Variants in ASCC3 observed in about 807,000 individuals in gnomAD.
The protein encoded by ASCC3 is activating signal cointegrator 1 complex subunit 3, also known as ASC-1 complex subunit P200.
ASCC3 carries 158 observed loss-of-function variants against 256.3 expected under a neutral mutation model. The observed-to-expected ratio is 0.62, with a 90% CI of 0.54 to 0.70. ASCC3 has a LOEUF of 0.70. Among genes scored for constraint, ASCC3 ranks in the 30% least tolerant of loss-of-function variants. The probability of loss-of-function intolerance (pLI) is 0.00; values close to 1 mark genes in which losing one functional copy is unlikely to be tolerated. For missense variants in ASCC3, 2,259 were observed against 2,626.0 expected (o/e 0.86, Z 3.05); for synonymous variants, 948 against 883.4 (o/e 1.07, Z -1.30).
chr6:100,644,311 C>T (rs553136605), intron 22 of ASCC3, among the ~76,000 whole-genome samples, 182 bp from the exon 23 acceptor site: 2 of 152,164 alleles, frequency 1.3e-5, no homozygotes, highest in African/African-American at 4.8e-5. Context: ...ACAACCATCA[C>T]CATAATCTAA....
At chr6:100,528,596 C>T (rs547791486) in intron 37 of ASCC3, among the ~76,000 whole-genome samples, 16 of 152,150 alleles carry the variant, frequency 1.1e-4, no homozygotes, top group African/African-American at 3.6e-4. Context: ...ATGGAGTAGT[C>T]ATTCTTTTAT....
rs1329989605 is a variant in ASCC3, at chr6:100,661,912, A to C, written c.2597T>G (p.Ile866Ser). 1.2e-6 allele frequency: 2 copies of C among 1,613,296 alleles called. No homozygotes were observed. Among genetic ancestry groups the C allele is most frequent in the African/African-American group, 2.7e-5 (2 of 74,884 alleles). ...GCTGAGTTTATCATGCGTTGTTATA[A>C]TTATTCCTTCCCCAAATTTGTCAAA... is the stretch of plus-strand genomic sequence containing the variant. ...PQFDKFGEGI[I>S]ITTHDKLSHY... The change falls in exon 16 of 42, where the codon ATT becomes AGT. Residue 866 changes from isoleucine to serine, a missense_variant. Around this residue, in one of 2 missense-constraint regions of ASCC3, gnomAD observed 1,839 missense variants for 2,206.7 expected, o/e 0.83. Transcript: ENST00000369162.
intron 32 of ASCC3, 46 bp from the exon 33 acceptor site, chr6:100,605,746 C>T (rs746934043): frequency 6.3e-7 from 1 of 1,590,362 alleles, no homozygotes; most frequent in South Asian, 1.1e-5. Context: ...TGGCATATAG[C>T]ACAAGGTATA....
At chr6:100,529,156 G>C (rs1774740915) in intron 37 of ASCC3, among the ~76,000 whole-genome samples, 1 of 152,098 alleles carries the variant, frequency 6.6e-6, no homozygotes, top group African/African-American at 2.4e-5. Context: ...GTGTGTGTGT[G>C]TGTGTATGTG....
chr6:100,809,230 T>A (rs765998685), intron 4 of ASCC3, among the ~76,000 whole-genome samples: 1 of 152,036 alleles, frequency 6.6e-6, no homozygotes, highest in African/African-American at 2.4e-5. Context: ...AACTTTTTAC[T>A]TCATAAACTT....
At chr6:100,650,770 A>C in intron 19 of ASCC3, 56 bp from the exon 20 acceptor site, 1 of 1,378,230 alleles carries the variant, frequency 7.3e-7, no homozygotes, top group South Asian at 1.2e-5. Flanking sequence ...TAAATTTTTC[A>C]CATTGAAATT....
intron 16 of ASCC3, 142 bp from the exon 17 acceptor site, chr6:100,655,960 CA>C: frequency 1.2e-6 from 1 of 848,582 alleles, no homozygotes; most frequent in Admixed American, 2.1e-5. Flanking sequence ...TGACTGGACA[CA>C]ACACTTTGCC....
In ASCC3 at chr6:100,574,056, A is replaced by G. The variant is rs185084497; in HGVS notation, c.5550+15578T>C. On this transcript the variant is annotated intron_variant, in intron 36 of 41. Coordinates refer to ENST00000369162, the MANE Select transcript of ASCC3 (RefSeq NM_006828.4). ...ATGCTTACATAAAGCTATATTGAGC[A>G]GCAATGGCACACAGAACTAGATACA... Among the ~76,000 whole-genome samples, 224 of 152,248 alleles carry G rather than the reference A, an allele frequency of 1.5e-3. 6 individuals carry two copies. In the East Asian group the frequency reaches 0.038, roughly 26 times the overall value.
intron 34 of ASCC3, among the ~76,000 whole-genome samples, chr6:100,595,741 C>T (rs1430212299): frequency 1.3e-5 from 2 of 152,096 alleles, no homozygotes; most frequent in African/African-American, 4.8e-5. Flanking sequence ...GCTTATTCTC[C>T]TTGTGCTTCC....
chr6:100,793,471 C>A (rs981513605), intron 8 of ASCC3, among the ~76,000 whole-genome samples: 2 of 151,792 alleles, frequency 1.3e-5, no homozygotes, highest in Non-Finnish European at 2.9e-5. Context: ...AGAACCATGG[C>A]CTTGAAATCA....
At chr6:100,578,439 C>T (rs1019405089) in intron 36 of ASCC3, among the ~76,000 whole-genome samples, 4 of 151,930 alleles carry the variant, frequency 2.6e-5, no homozygotes, top group African/African-American at 4.8e-5. Context: ...TTCAAGTAGG[C>T]CCTTGTGTCT....
At chr6:100,768,858 T>C (rs948489463) in intron 8 of ASCC3, among the ~76,000 whole-genome samples, 1 of 152,132 alleles carries the variant, frequency 6.6e-6, no homozygotes, top group Non-Finnish European at 1.5e-5. Context: ...AAGACAGTCA[T>C]ACAAAGCATA....
At chr6:100,706,214 A>AT (rs1361699626) in intron 13 of ASCC3, among the ~76,000 whole-genome samples, 3 of 151,362 alleles carry the variant, frequency 2.0e-5, no homozygotes, top group Non-Finnish European at 4.4e-5. Flanking sequence ...GTTGAATTAT[A>AT]TTTTTTTCAT....
chr6:100,675,557 CAAGG>C (rs1439217507), intron 14 of ASCC3, among the ~76,000 whole-genome samples: 1 of 151,864 alleles, frequency 6.6e-6, no homozygotes, highest in African/African-American at 2.4e-5. Context: ...CTTATAAAAA[CAAGG>C]AAATGATTGA....
intron 4 of ASCC3, among the ~76,000 whole-genome samples, chr6:100,817,560 C>T (rs549532341): frequency 1.3e-5 from 2 of 151,936 alleles, no homozygotes; most frequent in African/African-American, 4.8e-5. Flanking sequence ...AGAGAAGACT[C>T]AAATTAGTAG....
intron 36 of ASCC3, among the ~76,000 whole-genome samples, chr6:100,577,461 C>A (rs953688956): frequency 6.6e-6 from 1 of 152,056 alleles, no homozygotes; most frequent in East Asian, 1.9e-4. Flanking sequence ...ACTTTGGACA[C>A]ATTCAGACTT....
intron 8 of ASCC3, among the ~76,000 whole-genome samples, chr6:100,776,013 AAAG>A (rs1184723107): frequency 3.3e-5 from 5 of 152,096 alleles, no homozygotes; most frequent in East Asian, 1.9e-4. Flanking sequence ...ACAAATGATT[AAAG>A]AAGAAGAATA....
intron 30 of ASCC3, among the ~76,000 whole-genome samples, chr6:100,612,742 C>A (rs1223933878): frequency 6.6e-6 from 1 of 151,840 alleles, no homozygotes; most frequent in South Asian, 2.1e-4. Context: ...TACTGATACA[C>A]TAATAAAAAA....
chr6:100,721,844 C>T (rs532169874), intron 11 of ASCC3, among the ~76,000 whole-genome samples: 18 of 151,390 alleles, frequency 1.2e-4, no homozygotes, highest in Admixed American at 3.3e-4. Context: ...TAATTAGGTC[C>T]TACCTGTCAA....
Sources: gnomAD v4.1 joint callset for allele counts (sites outside exome capture counted in the v4.1 genomes callset) on GRCh38, gnomAD v4.1.1 for gene constraint, gnomAD v4.1.1 regional missense constraint, MANE v1.5 for transcripts, NCBI Gene and HGNC (gene_info 2026-07-23, HGNC 2026-07-21) for gene names.